Variants in CHM observed in about 807,000 individuals in gnomAD.
CHM encodes CHM Rab escort protein, also known as rab proteins geranylgeranyltransferase component A 1.
CHM carries 10 observed loss-of-function variants against 49.0 expected under a neutral mutation model. The ratio of observed to expected loss-of-function variants is 0.20; its 90% CI spans 0.13 to 0.35. The LOEUF is 0.35. Among genes scored for constraint, CHM ranks in the 10% least tolerant of loss-of-function variants. The probability of loss-of-function intolerance (pLI) is 1.00; values close to 1 mark genes in which losing one functional copy is unlikely to be tolerated. For synonymous variants in CHM, 184 were observed against 167.5 expected (o/e 1.10, Z -0.76); for missense variants, 455 against 478.4 (o/e 0.95, Z 0.46).
intron 8 of CHM, among the ~76,000 whole-genome samples, chrX:85,919,011 A>G (rs749188237): frequency 1.8e-5 from 2 of 111,373 alleles, no homozygotes; most frequent in African/African-American, 6.5e-5. Flanking sequence ...AATTCAGAAC[A>G]CCCTACCCAA....
intron 1 of CHM, among the ~76,000 whole-genome samples, chrX:86,039,984 A>G (rs1934399222): frequency 9.0e-6 from 1 of 111,670 alleles, no homozygotes; most frequent in Non-Finnish European, 1.9e-5. Flanking sequence ...TACATTTACC[A>G]TCCTTCAATT....
At chrX:86,035,314 G>T (rs935070390) in intron 1 of CHM, among the ~76,000 whole-genome samples, 10 of 111,933 alleles carry the variant, frequency 8.9e-5, no homozygotes, top group Non-Finnish European at 1.5e-4. Context: ...GACAATAAAA[G>T]AATGTCAACC....
intron 2 of CHM, among the ~76,000 whole-genome samples, chrX:86,017,309 G>A (rs1322075767): frequency 1.8e-5 from 2 of 111,554 alleles, no homozygotes; most frequent in Non-Finnish European, 3.8e-5. Context: ...GAAGACATGA[G>A]ATTTGGAGGG....
intron 2 of CHM, among the ~76,000 whole-genome samples, chrX:85,994,333 C>T (rs1439265241): frequency 8.9e-6 from 1 of 111,940 alleles, no homozygotes; most frequent in Non-Finnish European, 1.9e-5. Flanking sequence ...CACAGAAGAA[C>T]GTACCCACAG....
chrX:86,019,159 TGA>T (rs1309241986), intron 2 of CHM, among the ~76,000 whole-genome samples: 1 of 111,423 alleles, frequency 9.0e-6, no homozygotes, highest in African/African-American at 3.3e-5. Flanking sequence ...TGTTCTGTCA[TGA>T]GTGTTGGAAT....
chrX:85,883,641 C>T (rs1274379795), intron 12 of CHM, among the ~76,000 whole-genome samples: 1 of 110,769 alleles, frequency 9.0e-6, no homozygotes, highest in African/African-American at 3.3e-5. Flanking sequence ...TGAAATGTCA[C>T]ATTTTCAAAA....
chrX:85,943,387 C>T (rs1429705276), intron 8 of CHM, among the ~76,000 whole-genome samples: 4 of 112,049 alleles, frequency 3.6e-5, no homozygotes, highest in Non-Finnish European at 5.6e-5. Context: ...TAATGCTTAT[C>T]GAATGCACAA....
At chrX:85,975,978 C>T (rs1931232236) in intron 4 of CHM, among the ~76,000 whole-genome samples, 2 of 112,235 alleles carry the variant, frequency 1.8e-5, no homozygotes, top group Admixed American at 9.4e-5. Flanking sequence ...TATAGTGATA[C>T]TCTTACTTAC....
At chrX:86,043,980 G>A (rs1456302865) in intron 1 of CHM, among the ~76,000 whole-genome samples, 1 of 111,898 alleles carries the variant, frequency 8.9e-6, no homozygotes, top group African/African-American at 3.3e-5. Context: ...GCCCATCTTA[G>A]GGGAAGAACT....
intron 2 of CHM, among the ~76,000 whole-genome samples, chrX:86,000,299 C>T (rs1234443683): frequency 9.6e-6 from 1 of 104,563 alleles, no homozygotes; most frequent in Non-Finnish European, 1.9e-5. Flanking sequence ...TAAATTTCAC[C>T]TAATTCCTTA....
intron 2 of CHM, among the ~76,000 whole-genome samples, chrX:86,011,131 G>A (rs1445564315): frequency 8.9e-6 from 1 of 111,755 alleles, no homozygotes; most frequent in Non-Finnish European, 1.9e-5. Flanking sequence ...CTTAGGCACT[G>A]AGGATATATA....
intron 8 of CHM, among the ~76,000 whole-genome samples, chrX:85,949,090 C>G (rs747249632): frequency 9.0e-6 from 1 of 111,360 alleles, no homozygotes; most frequent in South Asian, 3.8e-4. Context: ...AACATTCAAT[C>G]TGAGCCACAT....
intron 8 of CHM, among the ~76,000 whole-genome samples, chrX:85,931,792 C>G: frequency 8.9e-6 from 1 of 111,745 alleles, no homozygotes; most frequent in Non-Finnish European, 1.9e-5. Context: ...CATGTGAAAA[C>G]GCATCCACCA....
intron 2 of CHM, among the ~76,000 whole-genome samples, chrX:85,998,110 G>A (rs1345912301): frequency 9.1e-6 from 1 of 110,110 alleles, no homozygotes; most frequent in Non-Finnish European, 1.9e-5. Flanking sequence ...GTCTCATTTC[G>A]TTTTGTAGCT....
At chrX:86,026,701 T>C (rs1933839052) in intron 2 of CHM, among the ~76,000 whole-genome samples, 1 of 111,993 alleles carries the variant, frequency 8.9e-6, no homozygotes. Flanking sequence ...ATATTTACAA[T>C]GAGATAACAT....
rs780530565 is a variant in CHM at position 85,922,467 on chromosome X, T to C, written c.1167-11129A>G. 6.2e-5 allele frequency among the ~76,000 whole-genome samples: 7 copies of C among 112,433 alleles called. No individual in the cohort carries two copies. The East Asian group carries it at 2.0e-3, about 32-fold the overall frequency. On this transcript the variant is annotated intron_variant, in intron 8 of 14. Transcript: ENST00000357749. Reference sequence around the variant, plus strand: ...AGGCAAAATTGGACGGCATATGCCATAGCATCATCTCTCCCCAAGATCCCT... The same window carrying C: ...AGGCAAAATTGGACGGCATATGCCACAGCATCATCTCTCCCCAAGATCCCT...
intron 8 of CHM, among the ~76,000 whole-genome samples, chrX:85,931,951 T>C (rs1255244536): frequency 8.9e-6 from 1 of 112,495 alleles, no homozygotes; most frequent in African/African-American, 3.2e-5. Context: ...TCCTCATTTT[T>C]ACTAGCTTGA....
chrX:85,950,680 T>A (rs1249540681), intron 8 of CHM, among the ~76,000 whole-genome samples: 1 of 111,442 alleles, frequency 9.0e-6, no homozygotes, highest in Non-Finnish European at 1.9e-5. Context: ...ACAATAAACA[T>A]AAATTTACAG....
intron 2 of CHM, among the ~76,000 whole-genome samples, chrX:86,024,183 A>G (rs1933719092): frequency 1.8e-5 from 2 of 112,055 alleles, no homozygotes; most frequent in Non-Finnish European, 1.9e-5. Context: ...TGTAAATCCC[A>G]GACAAAAAGT....
Sources: allele counts gnomAD v4.1 joint callset (sites outside exome capture counted in the v4.1 genomes callset), GRCh38; gene constraint gnomAD v4.1.1; transcripts MANE v1.5; gene names NCBI Gene and HGNC (gene_info 2026-07-23, HGNC 2026-07-21).